The following CSMD3 variants were observed in gnomAD, a reference collection of about 807,000 sequenced individuals.
CSMD3 encodes CUB and sushi domain-containing protein 3.
Under a neutral mutation model 435.2 loss-of-function variants are expected in CSMD3, and 177 were observed. The observed-to-expected ratio is 0.41, with a 90% CI of 0.36 to 0.46. CSMD3 has a LOEUF of 0.46. Among genes scored for constraint, CSMD3 ranks in the 20% least tolerant of loss-of-function variants. The pLI is 0.34. For missense variants in CSMD3, 4,265 were observed against 4,504.6 expected (o/e 0.95, Z 1.52); for synonymous variants, 1,656 against 1,520.5 (o/e 1.09, Z -2.07).
At chr8:112,366,052 T>A (rs943539362) in intron 38 of CSMD3, among the ~76,000 whole-genome samples, 2 of 152,088 alleles carry the variant, frequency 1.3e-5, no homozygotes, top group African/African-American at 4.8e-5. Flanking sequence ...TAACAGGAGA[T>A]GAAACATGGC....
chr8:113,055,112 A>G (rs1258719653), intron 5 of CSMD3, among the ~76,000 whole-genome samples: 1 of 152,110 alleles, frequency 6.6e-6, no homozygotes, highest in Non-Finnish European at 1.5e-5. Flanking sequence ...AACACCAACC[A>G]TTGTAATGTA....
intron 13 of CSMD3, among the ~76,000 whole-genome samples, chr8:112,762,575 C>A (rs1263663414): frequency 1.3e-5 from 2 of 151,834 alleles, no homozygotes; most frequent in Non-Finnish European, 2.9e-5. Context: ...GTAAAAAATA[C>A]AATATGGCAT....
chr8:112,829,724 A>C lies in CSMD3; in HGVS notation c.1821T>G (p.Asp607Glu). ...EIGYDTLTIGDGGEVGDPRTV... is the reference protein window; with the variant it reads ...EIGYDTLTIGEGGEVGDPRTV... ...TCCTAGGATCTCCAACTTCGCCCCC[A>C]TCGCCAATTGTCAAGGTATCATAGC... The change falls in exon 12 of 71, where the codon GAT becomes GAG. Residue 607 changes from aspartate to glutamate, a missense_variant. Asp to Glu is a conservative substitution (Grantham distance 45). This residue lies in a region of CSMD3 where 731 missense variants were observed against 755.4 expected (regional missense o/e 0.97). Coordinates refer to ENST00000297405, the MANE Select transcript of CSMD3 (RefSeq NM_198123.2). 1 of 1,613,424 alleles carries C rather than the reference A, an allele frequency of 6.2e-7. No homozygotes were observed. Among genetic ancestry groups the C allele is most frequent in the Non-Finnish European group, 8.5e-7 (1 of 1,179,444 alleles).
At chr8:112,594,346 G>A (rs890923272) in intron 22 of CSMD3, among the ~76,000 whole-genome samples, 11 of 152,100 alleles carry the variant, frequency 7.2e-5, no homozygotes, top group South Asian at 2.1e-4. Flanking sequence ...ATTATATCCC[G>A]CACCCGGCTC....
At chr8:113,393,000 T>TAC (rs1185796194) in intron 1 of CSMD3, among the ~76,000 whole-genome samples, 2 of 151,704 alleles carry the variant, frequency 1.3e-5, no homozygotes, top group African/African-American at 2.4e-5. Context: ...TATATATATA[T>TAC]ACACATGTGT....
intron 52 of CSMD3, among the ~76,000 whole-genome samples, 158 bp downstream of exon 52, chr8:112,304,563 A>G (rs1235822537): frequency 6.6e-6 from 1 of 152,192 alleles, no homozygotes; most frequent in Non-Finnish European, 1.5e-5. Flanking sequence ...TAATACATAG[A>G]AACATAGTTA....
At chr8:112,495,208 AG>A (rs1451985336) in intron 30 of CSMD3, among the ~76,000 whole-genome samples, 1 of 152,218 alleles carries the variant, frequency 6.6e-6, no homozygotes, top group African/African-American at 2.4e-5. Context: ...ATTTTTAGAC[AG>A]AACAGAAACC....
intron 1 of CSMD3, among the ~76,000 whole-genome samples, chr8:113,333,587 T>A (rs1450616752): frequency 6.6e-6 from 1 of 151,862 alleles, no homozygotes; most frequent in Non-Finnish European, 1.5e-5. Flanking sequence ...TTTGGCATAC[T>A]TGTTTGAGTC....
At chr8:112,227,526 G>A (rs967046614) in intron 70 of CSMD3, among the ~76,000 whole-genome samples, 5 of 152,154 alleles carry the variant, frequency 3.3e-5, no homozygotes, top group Admixed American at 6.5e-5. Context: ...CCACTGAATC[G>A]TAGTCTTTAA....
chr8:112,352,370 T>C, intron 39 of CSMD3, 46 bp downstream of exon 39: 7 of 1,610,040 alleles, frequency 4.3e-6, no homozygotes, highest in Non-Finnish European at 5.9e-6. Context: ...TAAAATATTC[T>C]GAAAGGGCCA....
At chr8:112,282,006 TTAAC>T (rs761538714) in intron 58 of CSMD3, among the ~76,000 whole-genome samples, 1 of 152,138 alleles carries the variant, frequency 6.6e-6, no homozygotes, top group African/African-American at 2.4e-5. Context: ...ATATATGTGT[TTAAC>T]TATTTGTCAA....
At chr8:113,146,398 CA>C (rs1312683675) in intron 4 of CSMD3, among the ~76,000 whole-genome samples, 1 of 151,444 alleles carries the variant, frequency 6.6e-6, no homozygotes, top group Non-Finnish European at 1.5e-5. Flanking sequence ...AGTGACACAA[CA>C]ATATGCATAC....
chr8:113,200,147 T>C (rs1472420234), intron 3 of CSMD3, among the ~76,000 whole-genome samples: 2 of 151,820 alleles, frequency 1.3e-5, no homozygotes, highest in African/African-American at 4.8e-5. Flanking sequence ...ATTTTACCAA[T>C]TGTTGAAAGG....
chr8:112,933,221 A>G (rs1312552132), intron 9 of CSMD3, among the ~76,000 whole-genome samples: 2 of 152,160 alleles, frequency 1.3e-5, no homozygotes, highest in Non-Finnish European at 2.9e-5. Flanking sequence ...CAAGTGGTGT[A>G]TAATGATAAA....
intron 23 of CSMD3, among the ~76,000 whole-genome samples, chr8:112,574,264 A>G (rs1490734037): frequency 6.6e-6 from 1 of 151,950 alleles, no homozygotes; most frequent in Non-Finnish European, 1.5e-5. Flanking sequence ...TGCTTATTGC[A>G]CTCTAATTTG....
rs549511642 is a variant in CSMD3 at position 112,707,489 on chromosome 8, G to T, written c.1973-17439C>A. Among the ~76,000 whole-genome samples, 8 of 151,684 alleles carry T rather than the reference G, an allele frequency of 5.3e-5. No individual in the cohort carries two copies. In the East Asian group the frequency reaches 9.7e-4, roughly 18 times the overall value. The stretch of plus-strand genomic sequence containing the variant: ...GGTAGTGGTGGTGGTGCGGCGGGAG[G>T]GGGGTGGTTCCTAGATGAATGGGAC... On this transcript the variant is annotated intron_variant, in intron 13 of 70. Coordinates refer to ENST00000297405, the MANE Select transcript of CSMD3 (RefSeq NM_198123.2).
chr8:113,391,022 G>C (rs1338917992), intron 1 of CSMD3, among the ~76,000 whole-genome samples: 1 of 151,980 alleles, frequency 6.6e-6, no homozygotes, highest in Non-Finnish European at 1.5e-5. Context: ...TGATTTATCA[G>C]AAGTCGACAA....
At chr8:112,626,241 A>C (rs577173116) in intron 22 of CSMD3, among the ~76,000 whole-genome samples, 5 of 152,212 alleles carry the variant, frequency 3.3e-5, no homozygotes, top group African/African-American at 9.6e-5. Flanking sequence ...TATTCAACCG[A>C]AGCCCACCCC....
At chr8:113,314,550 T>C in intron 2 of CSMD3, 21 bp downstream of exon 2, 3 of 1,384,406 alleles carry the variant, frequency 2.2e-6, no homozygotes, top group Non-Finnish European at 3.1e-6. Context: ...CTCTCCAGTC[T>C]TCCATTCAAA....
Sources: allele counts gnomAD v4.1 joint callset (sites outside exome capture counted in the v4.1 genomes callset), GRCh38; gene constraint gnomAD v4.1.1; regional missense constraint gnomAD v4.1.1; transcripts MANE v1.5; gene names NCBI Gene and HGNC (gene_info 2026-07-23, HGNC 2026-07-21).